The following SLF1 variants were observed in gnomAD, a reference collection of about 807,000 sequenced individuals.
SLF1 encodes the protein SMC5/6 complex localization factor 1, also known as SMC5-SMC6 complex localization factor protein 1.
SLF1 carries 105 observed loss-of-function variants against 123.0 expected under a neutral mutation model. The observed-to-expected ratio is 0.85, with a 90% CI of 0.73 to 1.00. SLF1 has a LOEUF of 1.00. Ranked by LOEUF, SLF1 falls within the 50% of genes least tolerant of loss-of-function variation. The probability of loss-of-function intolerance (pLI) is 0.00; values close to 1 mark genes in which losing one functional copy is unlikely to be tolerated. For missense variants in SLF1, 1,239 were observed against 1,223.0 expected (o/e 1.01, Z -0.20); for synonymous variants, 434 against 406.6 (o/e 1.07, Z -0.81).
chr5:94,686,502 A>G (rs1221516894), intron 15 of SLF1, 71 bp from the exon 16 acceptor site: 54 of 1,514,042 alleles, frequency 3.6e-5, no homozygotes, highest in Non-Finnish European at 1.9e-5. Context: ...AACTTCACTA[A>G]GGAAATAGCC....
Position 94,686,692 on chromosome 5 carries a change from TC to T in SLF1, c.2096del (p.Ser699LeufsTer34), listed in dbSNP as rs781632698. The T allele has an allele frequency of 6.2e-7, 1 of 1,614,076 alleles. No individual in the cohort carries two copies. Among genetic ancestry groups the T allele is most frequent in the Non-Finnish European group, 8.5e-7 (1 of 1,179,960 alleles). On this transcript the variant is annotated frameshift_variant, in exon 16 of 21. Coordinates refer to ENST00000265140, the MANE Select transcript of SLF1 (RefSeq NM_032290.4). LOFTEE classifies it high-confidence loss of function. ...TCTACAGAGCTCTGGCAGTGTTTCT[TC>T]TGAGCCACTCTCTCTTCAGAAAATG... ...LCLQSSGSVS[S>X]EPLSLQKMVY... is the part of the protein sequence containing the mutation.
intron 4 of SLF1, among the ~76,000 whole-genome samples, chr5:94,642,203 T>C (rs1746526192): frequency 6.6e-6 from 1 of 152,210 alleles, no homozygotes; most frequent in East Asian, 1.9e-4. Context: ...GGCCTAGTTT[T>C]ACATCTATCC....
At chr5:94,653,205 A>C in intron 7 of SLF1, 67 bp from the exon 8 acceptor site, 1 of 1,367,714 alleles carries the variant, frequency 7.3e-7, no homozygotes, top group Middle Eastern at 2.5e-4. Context: ...GTCACTCTTG[A>C]GTTTATTTGG....
intron 9 of SLF1, among the ~76,000 whole-genome samples, chr5:94,656,510 G>A (rs1169288596): frequency 6.6e-6 from 1 of 151,940 alleles, no homozygotes; most frequent in Admixed American, 6.6e-5. Flanking sequence ...CTTGTAGAAC[G>A]AGTTAGGTAG....
At chr5:94,655,304 C>T (rs958548278) in intron 9 of SLF1, among the ~76,000 whole-genome samples, 3 of 152,098 alleles carry the variant, frequency 2.0e-5, no homozygotes, top group African/African-American at 7.2e-5. Flanking sequence ...TGTTTTTATA[C>T]CAGTACCATG....
intron 4 of SLF1, among the ~76,000 whole-genome samples, chr5:94,642,758 G>GT (rs1746588284): frequency 1.3e-5 from 2 of 151,778 alleles, no homozygotes; most frequent in Admixed American, 1.3e-4. Flanking sequence ...TTTTTCATTT[G>GT]TTTTTTTCTA....
intron 15 of SLF1, 82 bp downstream of exon 15, chr5:94,679,037 A>C: frequency 6.7e-7 from 1 of 1,484,696 alleles, no homozygotes; most frequent in South Asian, 1.3e-5. Flanking sequence ...TGTAAGCTTT[A>C]ACATATGTTC....
chr5:94,655,025 G>A (rs1041452938), intron 9 of SLF1, among the ~76,000 whole-genome samples: 2 of 152,086 alleles, frequency 1.3e-5, no homozygotes, highest in Non-Finnish European at 2.9e-5. Flanking sequence ...TCAATGCCCC[G>A]AAGTGTTTCC....
intron 15 of SLF1, among the ~76,000 whole-genome samples, chr5:94,681,170 C>T (rs1003996347): frequency 1.8e-4 from 28 of 152,092 alleles, no homozygotes; most frequent in Non-Finnish European, 2.8e-4. Context: ...TACTCTGTCC[C>T]CCAGGCTGGA....
intron 8 of SLF1, 21 bp downstream of exon 8, chr5:94,653,442 T>A (rs1747983779): frequency 1.4e-6 from 2 of 1,469,886 alleles, no homozygotes; most frequent in Admixed American, 6.4e-5. Flanking sequence ...TAAGCTAAGC[T>A]ATAGCTTTCT....
chr5:94,680,086 C>T (rs1455683691), intron 15 of SLF1, among the ~76,000 whole-genome samples: 2 of 152,026 alleles, frequency 1.3e-5, no homozygotes, highest in Non-Finnish European at 2.9e-5. Context: ...AAGTACTCTG[C>T]TACACATGTG....
chr5:94,694,046 A>G (rs1276263094), intron 20 of SLF1, among the ~76,000 whole-genome samples: 3 of 151,832 alleles, frequency 2.0e-5, no homozygotes, highest in Non-Finnish European at 4.4e-5. Flanking sequence ...TAGTACTAAA[A>G]TCTTTATATC....
chr5:94,672,014 A>G (rs112530865), intron 14 of SLF1, among the ~76,000 whole-genome samples: 23 of 152,252 alleles, frequency 1.5e-4, no homozygotes, highest in African/African-American at 5.5e-4. Flanking sequence ...TTTTGGCTCC[A>G]TATAAGACTA....
rs140191160 is a variant in SLF1, at chr5:94,636,710, A to ATTTT, written c.431+5989_431+5992dup. On this transcript the variant is annotated intron_variant, in intron 4 of 20. Coordinates refer to ENST00000265140, the MANE Select transcript of SLF1 (RefSeq NM_032290.4). ...ATCTGTATGTTCTTGTATTTTACTG[A>ATTTT]TTTTTTTTTTTTTTTTTTTTTTTTT... Among the ~76,000 whole-genome samples, 143 of 75,460 alleles carry ATTTT rather than the reference A, an allele frequency of 1.9e-3. 3 individuals carry two copies. Among genetic ancestry groups the ATTTT allele is most frequent in the African/African-American group, 3.9e-3 (65 of 16,740 alleles). 49.5% of individuals were successfully genotyped at this position (75,460 alleles called of 152,430 possible). A position where few individuals can be genotyped will look rare whatever the true frequency, so the allele number is the denominator to read the frequency against.
At chr5:94,665,624 C>T (rs1456489497) in intron 11 of SLF1, among the ~76,000 whole-genome samples, 1 of 152,118 alleles carries the variant, frequency 6.6e-6, no homozygotes, top group African/African-American at 2.4e-5. Context: ...TGGTGGGTGC[C>T]TGTAGTCCCA....
chr5:94,670,408 T>C, intron 13 of SLF1, 129 bp downstream of exon 13: 4 of 861,568 alleles, frequency 4.6e-6, no homozygotes. Flanking sequence ...ATAGATTTGT[T>C]TTTAAAACAT....
At chr5:94,646,259 A>G (rs1196183738) in intron 5 of SLF1, among the ~76,000 whole-genome samples, 1 of 152,092 alleles carries the variant, frequency 6.6e-6, no homozygotes, top group South Asian at 2.1e-4. Flanking sequence ...CTTTTTTTTA[A>G]GGTAACATTG....
rs913210270 is a variant in SLF1, at chr5:94,671,029, G to T, written c.1827+21G>T. 7 of 1,457,762 alleles carry T rather than the reference G, an allele frequency of 4.8e-6. No homozygotes were observed. The Admixed American group carries it at 1.4e-4, about 30-fold the overall frequency. The allele number at this position is 1,457,762 out of a possible 1,614,324, so 90.3% of individuals were successfully genotyped here. On this transcript the variant is annotated intron_variant, in intron 14 of 20. Transcript: ENST00000265140. Reference sequence around the variant, plus strand: ...ATGATGTAAGTAGGATTAATTTATAGATGAATAGTCTATGGAAACAGCACT... The same window carrying T: ...ATGATGTAAGTAGGATTAATTTATATATGAATAGTCTATGGAAACAGCACT...
chr5:94,656,763 T>G (rs1748430812), intron 9 of SLF1, among the ~76,000 whole-genome samples: 1 of 151,816 alleles, frequency 6.6e-6, no homozygotes, highest in Non-Finnish European at 1.5e-5. Flanking sequence ...GATTCGTTGG[T>G]GTATAGTTCA....
Sources: allele counts gnomAD v4.1 joint callset (sites outside exome capture counted in the v4.1 genomes callset), GRCh38; gene constraint gnomAD v4.1.1; transcripts MANE v1.5; gene names NCBI Gene and HGNC (gene_info 2026-07-23, HGNC 2026-07-21).